The following TMOD1 variants were observed in gnomAD, a reference collection of about 807,000 sequenced individuals.
TMOD1 encodes the protein tropomodulin-1.
A neutral mutation model predicts 40.6 loss-of-function variants in TMOD1; 17 were observed. The observed-to-expected ratio is 0.42, with a 90% CI of 0.29 to 0.63. TMOD1 has a LOEUF of 0.63. TMOD1 is among the 20% of genes least tolerant of loss of function. The probability of loss-of-function intolerance (pLI) is 0.22; values close to 1 mark genes in which losing one functional copy is unlikely to be tolerated. For missense variants in TMOD1, 391 were observed against 447.6 expected, an observed-to-expected ratio of 0.87 and a Z score of 1.14; for synonymous variants, 181 against 175.0, an observed-to-expected ratio of 1.03 and a Z score of -0.27.
At chr9:97,548,228 C>T (rs903080768) in intron 3 of TMOD1, among the ~76,000 whole-genome samples, 16 of 152,108 alleles carry the variant, frequency 1.1e-4, no homozygotes, top group African/African-American at 1.9e-4. Context: ...TCCCCTGTAT[C>T]GCAGTTGTAT....
At chr9:97,550,414 G>A (rs140359956) in intron 3 of TMOD1, among the ~76,000 whole-genome samples, 32 of 152,304 alleles carry the variant, frequency 2.1e-4, no homozygotes, top group African/African-American at 7.5e-4. Flanking sequence ...GAATGATATA[G>A]TAATTCTATG....
rs1829511075 is a variant in TMOD1, at chr9:97,502,092, G to C, written c.-49+289G>C. On this transcript the variant is annotated intron_variant, in intron 1 of 9. Coordinates refer to ENST00000259365, the MANE Select transcript of TMOD1 (RefSeq NM_003275.4). This position sits in a 1 kb window ranked among gnomAD's most constrained non-coding sequence, Gnocchi z 6.1. Reference sequence around the variant, plus strand: ...CTCCGCACCGCGTCTGTGAACGCGAGAAGGACCCGGGGTTCTGGAGGAGAC... The same window carrying C: ...CTCCGCACCGCGTCTGTGAACGCGACAAGGACCCGGGGTTCTGGAGGAGAC... Among the ~76,000 whole-genome samples the C allele has an allele frequency of 6.6e-6, 1 of 152,092 alleles. No homozygotes were observed. Among genetic ancestry groups the C allele is most frequent in the African/African-American group, 2.4e-5 (1 of 41,438 alleles).
At chr9:97,536,554 T>G (rs1830188281) in intron 2 of TMOD1, among the ~76,000 whole-genome samples, 1 of 152,138 alleles carries the variant, frequency 6.6e-6, no homozygotes, top group Non-Finnish European at 1.5e-5. Context: ...TCCCCTGCTT[T>G]CTAACACTTG....
chr9:97,524,522 ATG>A (rs1393802450), intron 2 of TMOD1, among the ~76,000 whole-genome samples: 2 of 148,876 alleles, frequency 1.3e-5, no homozygotes, highest in African/African-American at 2.5e-5. Context: ...GTGTGTGTGT[ATG>A]TGTGTGTGTG....
intron 8 of TMOD1, among the ~76,000 whole-genome samples, chr9:97,573,454 C>G (rs967527951): frequency 6.6e-6 from 1 of 152,208 alleles, no homozygotes; most frequent in Non-Finnish European, 1.5e-5. Flanking sequence ...TGATTTGTGT[C>G]TGGCTTTTTT....
chr9:97,600,293 C>CT lies in TMOD1; in HGVS notation c.*599dup, dbSNP rs1295981418. 1 of 986,016 alleles carries CT rather than the reference C, an allele frequency of 1.0e-6. No individual in the cohort carries two copies. The highest frequency in any genetic ancestry group is 1.2e-6 in the Non-Finnish European group (1 of 830,228). The allele number at this position is 986,016 out of a possible 1,614,324, so 61.1% of individuals were successfully genotyped here. On this transcript the variant is annotated 3_prime_UTR_variant, in exon 10 of 10. Coordinates refer to ENST00000259365, the MANE Select transcript of TMOD1 (RefSeq NM_003275.4). Reference sequence around the variant, plus strand: ...TCTGCCAGGAGTCAACATGAGATTCCTTTTGCTGGATATGCAGAAATGATA... The same window carrying CT: ...TCTGCCAGGAGTCAACATGAGATTCCTTTTTGCTGGATATGCAGAAATGATA...
chr9:97,545,194 G>A lies in TMOD1; in HGVS notation c.121-991G>A, dbSNP rs557757284. ...GTCATCCTCCTCTCGTAAATCTGAA[G>A]AAGAACGCTGGTTTTTGTTCTAGAT... On this transcript the variant is annotated intron_variant, in intron 2 of 9. Transcript: ENST00000259365. 2.7e-4 allele frequency among the ~76,000 whole-genome samples: 41 copies of A among 152,316 alleles called. No homozygotes were observed. The Middle Eastern group carries it at 0.01, about 38-fold the overall frequency.
intron 8 of TMOD1, among the ~76,000 whole-genome samples, chr9:97,576,019 G>A (rs543470453): frequency 6.6e-6 from 1 of 152,116 alleles, no homozygotes; most frequent in Non-Finnish European, 1.5e-5. Flanking sequence ...CCACTGCCAC[G>A]TTGTTCGTAA....
intron 2 of TMOD1, among the ~76,000 whole-genome samples, chr9:97,530,157 A>T (rs766274562): frequency 9.2e-5 from 14 of 152,186 alleles, no homozygotes; most frequent in Non-Finnish European, 1.6e-4. Flanking sequence ...ATTTCTTTTG[A>T]AGTTGTTATG....
At chr9:97,505,092 C>T (rs949872451) in intron 1 of TMOD1, among the ~76,000 whole-genome samples, 1 of 152,202 alleles carries the variant, frequency 6.6e-6, no homozygotes, top group African/African-American at 2.4e-5. Flanking sequence ...AGAGAATGAG[C>T]TCATTGGAGT....
At chr9:97,586,961 G>T (rs12349848) in intron 8 of TMOD1, among the ~76,000 whole-genome samples, 15,185 of 152,202 alleles carry the variant, frequency 0.1, 846 homozygotes, top group Admixed American at 0.15. Context: ...GAAATCACCC[G>T]TCTTCTGCGT....
chr9:97,562,667 G>A lies in TMOD1; in HGVS notation c.398-65G>A, dbSNP rs765741449. 16 of 1,240,574 alleles carry A rather than the reference G, an allele frequency of 1.3e-5. No individual in the cohort carries two copies. In the Middle Eastern group the frequency reaches 6.4e-4, roughly 49 times the overall value. The allele number at this position is 1,240,574 out of a possible 1,614,324, so 76.8% of individuals were successfully genotyped here. On this transcript the variant is annotated intron_variant, in intron 4 of 9. Transcript: ENST00000259365. ...AGCCAGAGTTCCCGGGGTTTGGAGTGTGGGTCCCTAGGAGGCTCTTCTGTC... is the reference window on the plus strand; with the variant it reads ...AGCCAGAGTTCCCGGGGTTTGGAGTATGGGTCCCTAGGAGGCTCTTCTGTC...
intron 2 of TMOD1, among the ~76,000 whole-genome samples, chr9:97,531,042 C>CA (rs1003133786): frequency 7.2e-6 from 1 of 138,318 alleles, no homozygotes. Flanking sequence ...CACCCACCCC[C>CA]CCCACCACCC....
intron 7 of TMOD1, among the ~76,000 whole-genome samples, chr9:97,567,605 G>A (rs555680064): frequency 2.8e-4 from 42 of 152,284 alleles, no homozygotes; most frequent in African/African-American, 9.6e-4. Context: ...TTTTTTATTA[G>A]ATTTGATTAA....
upstream of TMOD1, among the ~76,000 whole-genome samples, chr9:97,501,441 A>C (rs1275277802): frequency 6.6e-6 from 1 of 152,088 alleles, no homozygotes; most frequent in African/African-American, 2.4e-5. Flanking sequence ...GAGGAGACCC[A>C]GGCAGGGGCC....
chr9:97,598,435 A>C (rs969600478), intron 9 of TMOD1, among the ~76,000 whole-genome samples: 5 of 151,960 alleles, frequency 3.3e-5, no homozygotes, highest in Non-Finnish European at 5.9e-5. Context: ...ATAAAATGGG[A>C]ATGGTAACTA....
intron 3 of TMOD1, among the ~76,000 whole-genome samples, chr9:97,551,625 A>G (rs753616776): frequency 6.6e-5 from 10 of 152,204 alleles, no homozygotes; most frequent in Admixed American, 2.6e-4. Context: ...ATCAATAAGT[A>G]TGAGTGCTCT....
intron 7 of TMOD1, among the ~76,000 whole-genome samples, chr9:97,567,002 A>C (rs1830739143): frequency 6.6e-6 from 1 of 152,276 alleles, no homozygotes; most frequent in Admixed American, 6.5e-5. Context: ...AGATTCCTGC[A>C]AGAAGGGCAG....
chr9:97,533,667 A>T (rs1285990001), intron 2 of TMOD1, among the ~76,000 whole-genome samples: 1 of 152,218 alleles, frequency 6.6e-6, no homozygotes, highest in Non-Finnish European at 1.5e-5. Context: ...TTAAACCTTT[A>T]TTCTGAGGTT....
Sources: allele counts gnomAD v4.1 joint callset (sites outside exome capture counted in the v4.1 genomes callset), GRCh38; gene constraint gnomAD v4.1.1; non-coding constraint Gnocchi (gnomAD v3.1); transcripts MANE v1.5; gene names NCBI Gene and HGNC (gene_info 2026-07-23, HGNC 2026-07-21).